Variants in PTBP3 observed in about 807,000 individuals in gnomAD.
PTBP3 encodes the protein polypyrimidine tract-binding protein 3.
In PTBP3, 20 loss-of-function variants were observed where a neutral mutation model predicts 58.7. The observed-to-expected ratio is 0.34, with a 90% confidence interval of 0.24 to 0.50. The LOEUF is 0.50. PTBP3 is among the 20% of genes least tolerant of loss of function. The pLI, the probability that PTBP3 is intolerant of heterozygous loss-of-function variation, is 0.98. For missense variants in PTBP3, 509 were observed against 637.2 expected (o/e 0.80, Z 2.17); for synonymous variants, 185 against 219.8 (o/e 0.84, Z 1.40).
chr9:112,235,565 A>G (rs1835406343), intron 7 of PTBP3, among the ~76,000 whole-genome samples: 1 of 152,208 alleles, frequency 6.6e-6, no homozygotes, highest in Non-Finnish European at 1.5e-5. Context: ...AGTCAGTTTT[A>G]GCAGACAAAT....
Position 112,275,881 on chromosome 9 carries a change from T to C in PTBP3, c.167A>G (p.Lys56Arg), listed in dbSNP as rs148023538. Residue 56 changes from lysine to arginine, a missense_variant, in exon 3 of 14, where the codon AAA (lysine) becomes AGA (arginine). Physicochemically the swap from Lys to Arg is conservative, Grantham distance 26. This residue lies in a region of PTBP3 where 212 missense variants were observed against 215.3 expected (regional missense o/e 0.98). Transcript: ENST00000374257. ...TTTCAACATCAAAAGATTAGTTACT[T>C]TGCCAAATGGTAGACCTAATGATAT... ...EIISLGLPFG[K>R]VTNLLMLKGK... 2 of 1,613,632 alleles carry C rather than the reference T, an allele frequency of 1.2e-6. No homozygotes were observed. Among genetic ancestry groups the C allele is most frequent in the Non-Finnish European group, 1.7e-6 (2 of 1,179,800 alleles).
chr9:112,269,769 T>TA (rs1417859510), intron 3 of PTBP3, among the ~76,000 whole-genome samples: 1 of 152,212 alleles, frequency 6.6e-6, no homozygotes, highest in Non-Finnish European at 1.5e-5. Flanking sequence ...AGCATCCTTG[T>TA]AAAATGGTGA....
chr9:112,321,183 G>A (rs950551923), intron 1 of PTBP3, among the ~76,000 whole-genome samples: 1 of 152,014 alleles, frequency 6.6e-6, no homozygotes, highest in Non-Finnish European at 1.5e-5. Flanking sequence ...AACCCTATTT[G>A]AAAGAAGGGG....
chr9:112,227,893 G>A (rs1446220984), intron 11 of PTBP3, among the ~76,000 whole-genome samples: 2 of 152,118 alleles, frequency 1.3e-5, no homozygotes, highest in Non-Finnish European at 2.9e-5. Flanking sequence ...AACATAGTAA[G>A]TATTCATGAA....
intron 5 of PTBP3, among the ~76,000 whole-genome samples, chr9:112,256,890 T>G (rs551558504): frequency 8.5e-5 from 13 of 152,066 alleles, no homozygotes; most frequent in Non-Finnish European, 1.6e-4. Flanking sequence ...AATACTTATT[T>G]TCACCCCAAG....
At position 112,250,932 on chromosome 9, in the gene PTBP3, AAGC is replaced by A. The variant is rs1211829006; in HGVS notation, c.796_798del (p.Ala266del). 2 of 1,550,738 alleles carry A rather than the reference AAGC, an allele frequency of 1.3e-6. No homozygotes were observed. Among genetic ancestry groups the A allele is most frequent in the East Asian group, 4.6e-5 (2 of 43,046 alleles). On this transcript the variant is annotated inframe_deletion, in exon 7 of 14. Coordinates refer to ENST00000374257, the MANE Select transcript of PTBP3 (RefSeq NM_001163788.4). The stretch of plus-strand genomic sequence containing the variant: ...GACCCAAAAAAGAACTACTCACCAA[AAGC>A]AGCAGCCATAGGGGGTTCAAGGGAT...
At chr9:112,272,099 T>G (rs1827413804) in intron 3 of PTBP3, among the ~76,000 whole-genome samples, 1 of 151,590 alleles carries the variant, frequency 6.6e-6, no homozygotes, top group Non-Finnish European at 1.5e-5. Flanking sequence ...TGAGACAGAG[T>G]CTCACTACAC....
At chr9:112,315,173 T>C (rs552609206) in intron 1 of PTBP3, among the ~76,000 whole-genome samples, 1 of 152,182 alleles carries the variant, frequency 6.6e-6, no homozygotes, top group Non-Finnish European at 1.5e-5. Context: ...AAAATTAGAC[T>C]ACACATTCAA....
At chr9:112,235,898 C>T (rs142433298) in intron 7 of PTBP3, among the ~76,000 whole-genome samples, 1 of 152,090 alleles carries the variant, frequency 6.6e-6, no homozygotes, top group Non-Finnish European at 1.5e-5. Context: ...AATTATAGTA[C>T]CTCAGAATCT....
intron 1 of PTBP3, chr9:112,330,484 A>C (rs752538538): frequency 2.0e-6 from 3 of 1,516,138 alleles, no homozygotes; most frequent in Non-Finnish European, 2.7e-6. Flanking sequence ...ACTGTATGGA[A>C]AAAGTAAAAA....
At chr9:112,378,848 G>A in the PTBP3 span, among the ~76,000 whole-genome samples, 1 of 152,164 alleles carries the variant, frequency 6.6e-6, no homozygotes, top group African/African-American at 2.4e-5. Flanking sequence ...CAGGAGTCGG[G>A]CAGGTGATAT....
At chr9:112,355,241 T>G in the PTBP3 span, among the ~76,000 whole-genome samples, 2 of 152,120 alleles carry the variant, frequency 1.3e-5, no homozygotes, top group Non-Finnish European at 2.9e-5. Context: ...GAGGGAGATA[T>G]TAAAGGAAAT....
At chr9:112,243,126 C>T (rs1249645559) in intron 7 of PTBP3, among the ~76,000 whole-genome samples, 2 of 113,190 alleles carry the variant, frequency 1.8e-5, no homozygotes, top group East Asian at 4.4e-4. Flanking sequence ...TTAAGTCTTA[C>T]AGCTTAAAAA....
chr9:112,229,873 G>A (rs1020609694), intron 10 of PTBP3, among the ~76,000 whole-genome samples: 5 of 152,158 alleles, frequency 3.3e-5, no homozygotes, highest in Non-Finnish European at 7.3e-5. Context: ...TTTTTTAAAT[G>A]AGTGAGAAAT....
At chr9:112,314,249 C>T (rs1367166116) in intron 1 of PTBP3, among the ~76,000 whole-genome samples, 2 of 152,156 alleles carry the variant, frequency 1.3e-5, no homozygotes, top group Non-Finnish European at 2.9e-5. Context: ...GGAATGGCTA[C>T]ATTAACATTA....
intron 2 of PTBP3, among the ~76,000 whole-genome samples, chr9:112,290,701 T>TACACACACACACACACACAC: frequency 1.5e-5 from 1 of 64,812 alleles, no homozygotes; most frequent in Non-Finnish European, 2.7e-5. Flanking sequence ...TATATATATA[T>TACACACACACACACACACAC]ATATATACAC....
intron 1 of PTBP3, among the ~76,000 whole-genome samples, chr9:112,331,958 C>A (rs890836635): frequency 1.3e-5 from 2 of 152,176 alleles, no homozygotes; most frequent in African/African-American, 4.8e-5. Context: ...AGACAATTAA[C>A]TACACATAAT....
chr9:112,351,736 CATTTT>C, the PTBP3 span, among the ~76,000 whole-genome samples: 1 of 152,098 alleles, frequency 6.6e-6, no homozygotes, highest in Non-Finnish European at 1.5e-5. Context: ...AATATCATTT[CATTTT>C]GTTGCCCAAA....
chr9:112,267,168 CTTTT>C (rs59575179), intron 4 of PTBP3, among the ~76,000 whole-genome samples: 6 of 137,588 alleles, frequency 4.4e-5, no homozygotes, highest in Admixed American at 7.3e-5. Context: ...AACCCACTTT[CTTTT>C]TTTTTTTTTT....
Sources: gnomAD v4.1 joint callset for allele counts (sites outside exome capture counted in the v4.1 genomes callset) on GRCh38, gnomAD v4.1.1 for gene constraint, gnomAD v4.1.1 regional missense constraint, MANE v1.5 for transcripts, NCBI Gene and HGNC (gene_info 2026-07-23, HGNC 2026-07-21) for gene names.